The following EXOC5 variants were observed in gnomAD, a reference collection of about 807,000 sequenced individuals.
The protein encoded by EXOC5 is exocyst complex component 5.
EXOC5 carries 17 observed loss-of-function variants against 90.8 expected under a neutral mutation model. The observed-to-expected ratio is 0.19, with a 90% confidence interval of 0.13 to 0.28. EXOC5 has a LOEUF of 0.28. Among genes scored for constraint, EXOC5 ranks in the 10% least tolerant of loss-of-function variants. EXOC5 has a pLI of 1.00. For missense variants in EXOC5, 569 were observed against 830.6 expected (o/e 0.69, Z 3.87); for synonymous variants, 260 against 270.0 (o/e 0.96, Z 0.36).
intron 6 of EXOC5, among the ~76,000 whole-genome samples, chr14:57,236,897 C>T (rs1883680410): frequency 6.9e-6 from 1 of 145,060 alleles, no homozygotes; most frequent in African/African-American, 2.8e-5. Flanking sequence ...TACTGAAATG[C>T]TTATATAATC....
intron 4 of EXOC5, among the ~76,000 whole-genome samples, chr14:57,241,257 G>A (rs1399662589): frequency 6.6e-6 from 1 of 152,108 alleles, no homozygotes; most frequent in African/African-American, 2.4e-5. Context: ...AGTGAATATA[G>A]CATTTCTGCT....
chr14:57,237,433 C>A (rs2139643479), intron 5 of EXOC5, 67 bp from the exon 6 acceptor site: 3 of 1,022,128 alleles, frequency 2.9e-6, no homozygotes, highest in Non-Finnish European at 4.4e-6. Flanking sequence ...ATGTAAGATG[C>A]TAACCAAATG....
At chr14:57,246,486 A>G (rs1884037312) in intron 3 of EXOC5, among the ~76,000 whole-genome samples, 1 of 152,170 alleles carries the variant, frequency 6.6e-6, no homozygotes, top group South Asian at 2.1e-4. Context: ...ATACCACTCT[A>G]TCCTAAGAAG....
At chr14:57,219,463 T>C (rs1368896237) in intron 13 of EXOC5, 21 bp from the exon 14 acceptor site, 4 of 1,546,566 alleles carry the variant, frequency 2.6e-6, no homozygotes, top group African/African-American at 1.4e-5. Flanking sequence ...AAAGCATACA[T>C]ATGTTAGAAT....
In EXOC5 at chr14:57,207,453, TTGA is replaced by T. The variant is rs1272703210; in HGVS notation, c.*1153_*1155del. 6.6e-6 allele frequency: 1 copy of T among 152,494 alleles called. No homozygotes were observed. Among genetic ancestry groups the T allele is most frequent in the Admixed American group, 6.6e-5 (1 of 15,240 alleles). The allele number at this position is 152,494 out of a possible 1,614,324, so 9.4% of individuals were successfully genotyped here. A position where few individuals can be genotyped will look rare whatever the true frequency, so the allele number is the denominator to read the frequency against. On this transcript the variant is annotated 3_prime_UTR_variant, in exon 18 of 18. Transcript: ENST00000621441. ...AGTAATGGCCTTTCTAAATTTTCAC[TTGA>T]TATTTAAAATTTTATAAGTGATTTA...
intron 1 of EXOC5, among the ~76,000 whole-genome samples, chr14:57,265,738 A>T (rs950759585): frequency 6.6e-6 from 1 of 152,170 alleles, no homozygotes; most frequent in Non-Finnish European, 1.5e-5. Context: ...AACAAAGAAA[A>T]GGAATTTCTG....
At position 57,209,702 on chromosome 14, in the gene EXOC5, T is replaced by C. The variant is rs1882768250; in HGVS notation, c.1803A>G (p.Thr601=). ...KNSMDGKNVD[T]VLMELGVRFH... ...AACGTACTCCAAGTTCCATCAAAAC[T>C]GTATCCACATTCTTCCCATCCATGG... is the stretch of plus-strand genomic sequence containing the variant. Residue 601 remains threonine, a synonymous_variant, in exon 17 of 18, where the codon ACA becomes ACG. Transcript: ENST00000621441. 4 of 1,613,090 alleles carry C rather than the reference T, an allele frequency of 2.5e-6. No individual in the cohort carries two copies. In the South Asian group the frequency reaches 3.3e-5, roughly 13 times the overall value.
At chr14:57,215,755 TAACATCAGG>T (rs1412807604) in intron 15 of EXOC5, among the ~76,000 whole-genome samples, 1 of 152,204 alleles carries the variant, frequency 6.6e-6, no homozygotes, top group African/African-American at 2.4e-5. Flanking sequence ...GCTTTTCCTC[TAACATCAGG>T]AACAAGAACA....
intron 5 of EXOC5, among the ~76,000 whole-genome samples, chr14:57,239,058 G>T (rs1594668962): frequency 6.6e-6 from 1 of 151,952 alleles, no homozygotes. Context: ...AAAAAAAGGG[G>T]TTCTTAACCT....
At position 57,208,577 on chromosome 14, in the gene EXOC5, A is replaced by ACCTTT; in HGVS notation, c.*31_*32insAAAGG. On this transcript the variant is annotated 3_prime_UTR_variant, in exon 18 of 18. Transcript: ENST00000621441. ...AGTATAAGACATTCCTCTGTAAAGG[A>ACCTTT]ACTGACACTGAATTCCTTTGTAAAT... 1 of 1,547,582 alleles carries ACCTTT rather than the reference A, an allele frequency of 6.5e-7. No homozygotes were observed. Among genetic ancestry groups the ACCTTT allele is most frequent in the Non-Finnish European group, 8.9e-7 (1 of 1,125,266 alleles).
Position 57,206,618 on chromosome 14 carries a change from A to G in EXOC5, c.*1991T>C, listed in dbSNP as rs1882662992. ...GCAGGGAATTTGTTTATTGAGCATT[A>G]ATGTTAACACTTTTAAATTAAGTAT... On this transcript the variant is annotated 3_prime_UTR_variant, in exon 18 of 18. Transcript: ENST00000621441. The G allele has an allele frequency of 6.6e-6, 1 of 152,474 alleles. No individual in the cohort carries two copies. The highest frequency in any genetic ancestry group is 1.5e-5 in the Non-Finnish European group (1 of 67,910). 9.4% of individuals were successfully genotyped at this position (152,474 alleles called of 1,614,324 possible).
intron 4 of EXOC5, 31 bp from the exon 5 acceptor site, chr14:57,239,690 A>T (rs1883796418): frequency 1.4e-6 from 2 of 1,392,564 alleles, no homozygotes; most frequent in Non-Finnish European, 9.7e-7. Context: ...GCAATAATTT[A>T]AAAAACTTTT....
intron 5 of EXOC5, 163 bp downstream of exon 5, chr14:57,239,432 T>C (rs1267865725): frequency 1.5e-5 from 8 of 522,706 alleles, no homozygotes; most frequent in Admixed American, 3.8e-5. Context: ...TATTTTACAC[T>C]GCATCTTGTA....
rs1437295005 is a variant in EXOC5 at position 57,221,186 on chromosome 14, T to C, written c.1405+1122A>G. Among the ~76,000 whole-genome samples the C allele has an allele frequency of 3.3e-5, 5 of 152,084 alleles. No homozygotes were observed. The East Asian group carries it at 7.7e-4, about 24-fold the overall frequency. ...GATCAGATGATTGAAAAGCCAGCCA[T>C]GAGAAAAGCTGAGGCAAAAGGATTT... On this transcript the variant is annotated intron_variant, in intron 13 of 17. Transcript: ENST00000621441.
intron 1 of EXOC5, among the ~76,000 whole-genome samples, chr14:57,248,242 G>A (rs1039623653): frequency 2.0e-5 from 3 of 151,676 alleles, no homozygotes; most frequent in African/African-American, 4.8e-5. Context: ...ACAAATGCTC[G>A]TATACCCTAA....
chr14:57,230,054 C>T lies in EXOC5; in HGVS notation c.1149-173G>A, dbSNP rs1161307555. On this transcript the variant is annotated intron_variant, in intron 11 of 17. Transcript: ENST00000621441. ...AATAAAGTTAGCCCTGATATCTAAA[C>T]GGAAGATTTTCATCTGATAAATGAG... Among the ~76,000 whole-genome samples the T allele has an allele frequency of 1.4e-4, 22 of 152,168 alleles. No individual in the cohort carries two copies. In the South Asian group the frequency reaches 3.7e-3, roughly 26 times the overall value.
rs377070499 is a variant in EXOC5 at position 57,207,693 on chromosome 14, C to T, written c.*916G>A. 7.9e-5 allele frequency: 12 copies of T among 152,158 alleles called. No individual in the cohort carries two copies. The highest frequency in any genetic ancestry group is 1.9e-4 in the East Asian group (1 of 5,176). The allele number at this position is 152,158 out of a possible 1,614,324, so 9.4% of individuals were successfully genotyped here. On this transcript the variant is annotated 3_prime_UTR_variant, in exon 18 of 18. Transcript: ENST00000621441. ...TCCATCTTATTCAAGTTTAGCATTACGACAGAAATCTCAAAGGGCTGCATG... is the reference window on the plus strand; with the variant it reads ...TCCATCTTATTCAAGTTTAGCATTATGACAGAAATCTCAAAGGGCTGCATG...
At chr14:57,230,554 T>A (rs977930292) in intron 11 of EXOC5, among the ~76,000 whole-genome samples, 1 of 152,142 alleles carries the variant, frequency 6.6e-6, no homozygotes, top group South Asian at 2.1e-4. Flanking sequence ...TAATCATTAT[T>A]TAATACACAA....
At chr14:57,239,486 A>G in intron 5 of EXOC5, 109 bp downstream of exon 5, 2 of 680,496 alleles carry the variant, frequency 2.9e-6, no homozygotes, top group Admixed American at 3.2e-5. Flanking sequence ...CAAGTGCTCA[A>G]TAAATTTCCG....
Sources: gnomAD v4.1 joint callset for allele counts (sites outside exome capture counted in the v4.1 genomes callset) on GRCh38, gnomAD v4.1.1 for gene constraint, MANE v1.5 for transcripts, NCBI Gene and HGNC (gene_info 2026-07-23, HGNC 2026-07-21) for gene names.